Variants in ACAD10 observed in about 807,000 individuals in gnomAD.
The protein encoded by ACAD10 is ACAD-10.
A neutral mutation model predicts 116.8 loss-of-function variants in ACAD10; 112 were observed. That is an observed-to-expected ratio of 0.96 (90% confidence interval 0.82 to 1.12). ACAD10 has a LOEUF of 1.12. Among genes scored for constraint, ACAD10 ranks in the 50% most tolerant of loss-of-function variants. ACAD10 has a pLI of 0.00. For synonymous variants in ACAD10, 486 were observed against 510.6 expected, an observed-to-expected ratio of 0.95 and a Z score of 0.65; for missense variants, 1,259 against 1,350.2, an observed-to-expected ratio of 0.93 and a Z score of 1.06.
intron 7 of ACAD10, 128 bp downstream of exon 7, chr12:111,716,090 G>A (rs958805290): frequency 4.4e-6 from 6 of 1,350,426 alleles, no homozygotes; most frequent in Non-Finnish European, 6.1e-6. Context: ...TATGGGCCAG[G>A]CTTGGTGGGT....
chr12:111,712,370 T>C (rs1888710692), intron 5 of ACAD10, 128 bp from the exon 6 acceptor site: 1 of 848,396 alleles, frequency 1.2e-6, no homozygotes. Flanking sequence ...ATATATTCTC[T>C]GCACCTGTAC....
chr12:111,698,686 A>C (rs1418029465), intron 2 of ACAD10, among the ~76,000 whole-genome samples: 2 of 151,848 alleles, frequency 1.3e-5, no homozygotes, highest in African/African-American at 4.8e-5. Context: ...CACGTTGGTC[A>C]GGCTGCTCTC....
chr12:111,698,017 C>T (rs1197678462), intron 2 of ACAD10, among the ~76,000 whole-genome samples: 10 of 126,026 alleles, frequency 7.9e-5, no homozygotes, highest in African/African-American at 2.5e-4. Flanking sequence ...TTTTTTGAGT[C>T]GGAGTCTCAC....
chr12:111,741,247 T>A lies in ACAD10; in HGVS notation c.1715-3396T>A, dbSNP rs147211646. 1.4e-3 allele frequency among the ~76,000 whole-genome samples: 208 copies of A among 152,356 alleles called. 1 individual carries two copies. The highest frequency in any genetic ancestry group is 2.4e-3 in the Non-Finnish European group (164 of 68,034). Reference sequence around the variant, plus strand: ...GTAAGCCACTATTTCCCATTTTTTTTATAGTTTTCCAATAAACACTAACCA... The same window carrying A: ...GTAAGCCACTATTTCCCATTTTTTTAATAGTTTTCCAATAAACACTAACCA... On this transcript the variant is annotated intron_variant, in intron 12 of 20. Transcript: ENST00000313698.
At chr12:111,697,453 C>T (rs1242317415) in intron 2 of ACAD10, among the ~76,000 whole-genome samples, 10 of 150,796 alleles carry the variant, frequency 6.6e-5, no homozygotes, top group East Asian at 5.9e-4. Flanking sequence ...CTCCATCTCC[C>T]GGGTTCAAGC....
chr12:111,714,463 G>A (rs955209404), intron 6 of ACAD10, among the ~76,000 whole-genome samples: 1 of 151,448 alleles, frequency 6.6e-6, no homozygotes, highest in African/African-American at 2.4e-5. Flanking sequence ...CCAGGAGTTT[G>A]AGACCAGCCT....
At chr12:111,730,949 A>G (rs1475289372) in intron 10 of ACAD10, among the ~76,000 whole-genome samples, 4 of 152,246 alleles carry the variant, frequency 2.6e-5, no homozygotes, top group South Asian at 2.1e-4. Flanking sequence ...CAAAAATACA[A>G]TACATTTTTA....
At position 111,756,321 on chromosome 12, in the gene ACAD10, T is replaced by C. The variant is rs988415892; in HGVS notation, c.3040-12T>C. The C allele has an allele frequency of 1.3e-6, 2 of 1,583,736 alleles. No homozygotes were observed. The highest frequency in any genetic ancestry group is 1.7e-6 in the Non-Finnish European group (2 of 1,168,066). On this transcript the variant is annotated splice_polypyrimidine_tract_variant and intron_variant, in intron 20 of 20. Transcript: ENST00000313698. ...GACCCAGGGCCGCCTCCCTCCACTC[T>C]GTGTCTGCCAGGCCTTTGGAGCAGC...
At chr12:111,742,719 A>G (rs998737502) in intron 12 of ACAD10, among the ~76,000 whole-genome samples, 34 of 152,018 alleles carry the variant, frequency 2.2e-4, no homozygotes, top group African/African-American at 7.7e-4. Context: ...TAAAATATTT[A>G]TTTTTTTGAG....
At position 111,747,384 on chromosome 12, in the gene ACAD10, A is replaced by C. The variant is rs1331080792; in HGVS notation, c.2484A>C (p.Thr828=). 6.2e-7 allele frequency: 1 copy of C among 1,614,046 alleles called. No homozygotes were observed. The highest frequency in any genetic ancestry group is 8.5e-7 in the Non-Finnish European group (1 of 1,180,004). Residue 828 remains threonine (T), a splice_region_variant and synonymous_variant, in exon 16 of 21, where the codon ACA becomes ACC. Coordinates refer to ENST00000313698, the MANE Select transcript of ACAD10 (RefSeq NM_025247.6). ...YVINGHKWWI[T]GILDPRCQLC... ...TAAACGGTCACAAATGGTGGATCAC[A>C]GGTATTTGGCCTAAAATGCACTTTC... is the stretch of plus-strand genomic sequence containing the variant.
At chr12:111,739,008 G>A (rs1889655334) in intron 12 of ACAD10, among the ~76,000 whole-genome samples, 2 of 116,398 alleles carry the variant, frequency 1.7e-5, no homozygotes, top group South Asian at 3.1e-4. Flanking sequence ...TGGGGGGGTG[G>A]GGAATCAAGC....
intron 8 of ACAD10, among the ~76,000 whole-genome samples, chr12:111,723,189 G>A (rs1889080949): frequency 7.1e-6 from 1 of 141,534 alleles, no homozygotes; most frequent in Non-Finnish European, 1.6e-5. Context: ...GGCCGGGTGG[G>A]GGGCTGACCC....
intron 7 of ACAD10, among the ~76,000 whole-genome samples, chr12:111,717,104 T>C (rs1486893601): frequency 2.6e-5 from 4 of 152,054 alleles, no homozygotes; most frequent in African/African-American, 7.2e-5. Context: ...CTGGGAAAAG[T>C]AAGCCTTAAA....
intron 3 of ACAD10, among the ~76,000 whole-genome samples, chr12:111,703,679 A>G (rs763608634): frequency 2.0e-5 from 3 of 151,988 alleles, no homozygotes; most frequent in Non-Finnish European, 2.9e-5. Flanking sequence ...CTCTACTAAA[A>G]ATACAAAATT....
intron 18 of ACAD10, chr12:111,753,399 ACTCC>A: frequency 2.3e-6 from 1 of 435,642 alleles, no homozygotes; most frequent in Non-Finnish European, 4.6e-6. Flanking sequence ...GCCTGCAGTC[ACTCC>A]CTCATTCCCA....
Position 111,756,641 on chromosome 12 carries a change from G to A in ACAD10, c.*168G>A, listed in dbSNP as rs374522381. 1.2e-4 allele frequency: 136 copies of A among 1,123,598 alleles called. No homozygotes were observed. The highest frequency in any genetic ancestry group is 1.6e-4 in the Non-Finnish European group (124 of 772,168). 69.6% of individuals were successfully genotyped at this position (1,123,598 alleles called of 1,614,324 possible). A position where few individuals can be genotyped will look rare whatever the true frequency, so the allele number is the denominator to read the frequency against. ...ATCTTTCTGGTTCTCCACAGAAGACGTCTCTGCAAGAAGCCTGGAGTCTGT... is the reference window on the plus strand; with the variant it reads ...ATCTTTCTGGTTCTCCACAGAAGACATCTCTGCAAGAAGCCTGGAGTCTGT... On this transcript the variant is annotated 3_prime_UTR_variant, in exon 21 of 21. Transcript: ENST00000313698.
At position 111,748,369 on chromosome 12, in the gene ACAD10, A is replaced by T. The variant is rs1889975311; in HGVS notation, c.2538A>T (p.Pro846=). 1 of 1,614,030 alleles carries T rather than the reference A, an allele frequency of 6.2e-7. No individual in the cohort carries two copies. The highest frequency in any genetic ancestry group is 8.5e-7 in the Non-Finnish European group (1 of 1,180,042). ...GTGTGTTTATGGGAAAAACAGACCC[A>T]CATGCACCAAGACACCGGCAGCAGT... ...QLCVFMGKTD[P]HAPRHRQQSV... is the part of the protein sequence containing the mutation. The change falls in exon 17 of 21, where the codon CCA becomes CCT. Residue 846 remains proline (P), a synonymous_variant. Coordinates refer to ENST00000313698, the MANE Select transcript of ACAD10 (RefSeq NM_025247.6).
intron 10 of ACAD10, among the ~76,000 whole-genome samples, chr12:111,731,185 C>T (rs1486256184): frequency 6.6e-6 from 1 of 152,238 alleles, no homozygotes; most frequent in African/African-American, 2.4e-5. Context: ...TAGCCAGCCA[C>T]CTTTGGGGAT....
intron 12 of ACAD10, among the ~76,000 whole-genome samples, chr12:111,741,005 T>G (rs907465252): frequency 1.3e-5 from 2 of 151,956 alleles, no homozygotes; most frequent in African/African-American, 4.8e-5. Context: ...GTAGGGGAAT[T>G]GATCATTCAT....
Sources: gnomAD v4.1 joint callset for allele counts (sites outside exome capture counted in the v4.1 genomes callset) on GRCh38, gnomAD v4.1.1 for gene constraint, MANE v1.5 for transcripts, NCBI Gene and HGNC (gene_info 2026-07-23, HGNC 2026-07-21) for gene names.